LRRC4C: variants seen among roughly 807,000 people sequenced by gnomAD.
The protein encoded by LRRC4C is leucine rich repeat containing 4C, also known as leucine-rich repeat-containing protein 4C.
A neutral mutation model predicts 33.6 loss-of-function variants in LRRC4C; 5 were observed. The ratio of observed to expected loss-of-function variants is 0.15; its 90% CI spans 0.08 to 0.31. The LOEUF (loss-of-function observed/expected upper bound fraction) is 0.31, where lower values mean the gene tolerates loss of function less well. Ranked by LOEUF, LRRC4C falls within the 10% of genes least tolerant of loss-of-function variation. The pLI is 1.00. For synonymous variants in LRRC4C, 329 were observed against 302.0 expected (o/e 1.09, Z -0.93); for missense variants, 560 against 796.7 (o/e 0.70, Z 3.58).
At chr11:40,216,831 T>G (rs1864015042) in intron 5 of LRRC4C, among the ~76,000 whole-genome samples, 1 of 152,258 alleles carries the variant, frequency 6.6e-6, no homozygotes, top group East Asian at 1.9e-4. Flanking sequence ...TTTAGCGGGT[T>G]GGGGAATTCA....
intron 1 of LRRC4C, among the ~76,000 whole-genome samples, chr11:41,137,963 T>C (rs1461176136): frequency 6.6e-6 from 1 of 152,204 alleles, no homozygotes; most frequent in African/African-American, 2.4e-5. Context: ...TTTCCTTCAG[T>C]TACCATGGGC....
chr11:41,045,585 T>C (rs146295031), intron 1 of LRRC4C, among the ~76,000 whole-genome samples: 1 of 152,232 alleles, frequency 6.6e-6, no homozygotes, highest in Non-Finnish European at 1.5e-5. Flanking sequence ...GTGTTGAACA[T>C]ATGAGATAAG....
chr11:40,871,458 GAC>G (rs1954642004), intron 2 of LRRC4C, among the ~76,000 whole-genome samples: 1 of 151,984 alleles, frequency 6.6e-6, no homozygotes, highest in Non-Finnish European at 1.5e-5. Flanking sequence ...TTATTTCTCA[GAC>G]TGGCTGACAC....
chr11:40,509,695 G>T (rs375129762), intron 3 of LRRC4C, among the ~76,000 whole-genome samples: 9 of 152,168 alleles, frequency 5.9e-5, no homozygotes, highest in African/African-American at 1.9e-4. Flanking sequence ...ATAAAAAAGG[G>T]AGATATTTTT....
intron 3 of LRRC4C, among the ~76,000 whole-genome samples, chr11:40,512,018 G>A (rs967503478): frequency 3.9e-5 from 6 of 152,062 alleles, no homozygotes; most frequent in Non-Finnish European, 8.8e-5. Flanking sequence ...TATTAGTGCA[G>A]GATGAGCCTG....
chr11:41,108,704 C>T (rs1281598093), intron 1 of LRRC4C, among the ~76,000 whole-genome samples: 1 of 152,050 alleles, frequency 6.6e-6, no homozygotes, highest in Non-Finnish European at 1.5e-5. Flanking sequence ...TTTAAATTAT[C>T]GACCCTTGAC....
chr11:40,151,412 T>C (rs1480368748), intron 5 of LRRC4C, among the ~76,000 whole-genome samples: 3 of 152,212 alleles, frequency 2.0e-5, no homozygotes, highest in African/African-American at 7.2e-5. Flanking sequence ...CGTAAGCCTC[T>C]ATGGAACTAG....
intron 2 of LRRC4C, among the ~76,000 whole-genome samples, chr11:40,656,440 G>A (rs906904187): frequency 1.7e-4 from 26 of 151,108 alleles, no homozygotes. Flanking sequence ...TCCCTAGTAT[G>A]GTAAGAGTGC....
chr11:40,809,611 T>C (rs1220059639), intron 2 of LRRC4C, among the ~76,000 whole-genome samples: 5 of 152,058 alleles, frequency 3.3e-5, no homozygotes, highest in South Asian at 4.1e-4. Flanking sequence ...AGAAAAAAAA[T>C]AGCCTCATAA....
chr11:40,899,790 A>C (rs1592033141), intron 2 of LRRC4C, among the ~76,000 whole-genome samples: 1 of 152,324 alleles, frequency 6.6e-6, no homozygotes, highest in East Asian at 1.9e-4. Context: ...TAGGATCAAG[A>C]GAAACTGGTA....
chr11:40,152,162 T>A (rs1044920377), intron 5 of LRRC4C, among the ~76,000 whole-genome samples: 47 of 152,128 alleles, frequency 3.1e-4, no homozygotes, highest in African/African-American at 1.1e-3. Flanking sequence ...GGGGAGACCC[T>A]CCTCTCCAAA....
At chr11:40,682,081 C>T (rs998626191) in intron 2 of LRRC4C, among the ~76,000 whole-genome samples, 1 of 151,816 alleles carries the variant, frequency 6.6e-6, no homozygotes, top group Non-Finnish European at 1.5e-5. Context: ...ACCTGCACCC[C>T]AATTACTTAC....
chr11:40,909,259 T>G (rs1956561172), intron 2 of LRRC4C, among the ~76,000 whole-genome samples: 1 of 152,130 alleles, frequency 6.6e-6, no homozygotes, highest in Admixed American at 6.5e-5. Flanking sequence ...CTTTAAAAAC[T>G]TTCCATTGTG....
chr11:40,125,209 A>AT (rs1554949503), intron 6 of LRRC4C, among the ~76,000 whole-genome samples: 3 of 152,162 alleles, frequency 2.0e-5, no homozygotes, highest in South Asian at 2.1e-4. Flanking sequence ...GATTTCAGGA[A>AT]TTTTTTTCTC....
At chr11:40,864,603 C>T (rs1341763206) in intron 2 of LRRC4C, among the ~76,000 whole-genome samples, 1 of 152,126 alleles carries the variant, frequency 6.6e-6, no homozygotes, top group Non-Finnish European at 1.5e-5. Flanking sequence ...ATTGAAAAAC[C>T]CATGGCTCAC....
At chr11:41,105,306 G>A (rs193144067) in intron 1 of LRRC4C, among the ~76,000 whole-genome samples, 1 of 151,906 alleles carries the variant, frequency 6.6e-6, no homozygotes, top group Non-Finnish European at 1.5e-5. Context: ...TGCAGTCTAA[G>A]CATCATCCCA....
chr11:40,179,876 G>A (rs1031178073), intron 5 of LRRC4C, among the ~76,000 whole-genome samples: 1 of 152,200 alleles, frequency 6.6e-6, no homozygotes, highest in Non-Finnish European at 1.5e-5. Context: ...ACAATGTTGA[G>A]AATCTGTCTC....
intron 1 of LRRC4C, among the ~76,000 whole-genome samples, chr11:41,033,974 T>G (rs1856880653): frequency 6.6e-6 from 1 of 152,048 alleles, no homozygotes; most frequent in South Asian, 2.1e-4. Flanking sequence ...ATTACCAAAT[T>G]AGTAAAATTG....
chr11:41,408,966 C>A (rs1489489191), intron 1 of LRRC4C, among the ~76,000 whole-genome samples: 1 of 152,154 alleles, frequency 6.6e-6, no homozygotes, highest in Non-Finnish European at 1.5e-5. Context: ...TTCTGTCGGG[C>A]AACCTGAAGA....
Sources: allele counts gnomAD v4.1 joint callset (sites outside exome capture counted in the v4.1 genomes callset), GRCh38; gene constraint gnomAD v4.1.1; transcripts MANE v1.5; gene names NCBI Gene and HGNC (gene_info 2026-07-23, HGNC 2026-07-21).